SDK1: variants seen among roughly 807,000 people sequenced by gnomAD.
The protein encoded by SDK1 is sidekick cell adhesion molecule 1.
SDK1 carries 157 observed loss-of-function variants against 245.5 expected under a neutral mutation model. The ratio of observed to expected loss-of-function variants is 0.64; its 90% CI spans 0.56 to 0.73. The LOEUF (loss-of-function observed/expected upper bound fraction) is 0.73, where lower values mean the gene tolerates loss of function less well. Among genes scored for constraint, SDK1 ranks in the 30% least tolerant of loss-of-function variants. The pLI, the probability that SDK1 is intolerant of heterozygous loss-of-function variation, is 0.00. For synonymous variants in SDK1, 1,647 were observed against 1,278.5 expected (o/e 1.29, Z -6.15); for missense variants, 3,583 against 3,002.3 (o/e 1.19, Z -4.52).
chr7:3,894,526 C>T (rs1254618535), intron 5 of SDK1, among the ~76,000 whole-genome samples: 2 of 148,112 alleles, frequency 1.4e-5, no homozygotes, highest in African/African-American at 5.1e-5. Flanking sequence ...CTGGGTCCAG[C>T]CACTGAAAGG....
chr7:3,800,238 T>G (rs1779072259), intron 4 of SDK1, among the ~76,000 whole-genome samples: 2 of 152,186 alleles, frequency 1.3e-5, no homozygotes, highest in South Asian at 4.1e-4. Flanking sequence ...TTCTCTCAAT[T>G]CTTAGCCAGC....
chr7:3,783,162 A>C (rs1780797545), intron 4 of SDK1, among the ~76,000 whole-genome samples: 1 of 152,244 alleles, frequency 6.6e-6, no homozygotes, highest in Non-Finnish European at 1.5e-5. Context: ...ATTTGACAAA[A>C]ATTCATCTTT....
chr7:3,589,752 A>C (rs1780801814), intron 1 of SDK1, among the ~76,000 whole-genome samples: 1 of 152,176 alleles, frequency 6.6e-6, no homozygotes, highest in Non-Finnish European at 1.5e-5. Flanking sequence ...CCATGATTCG[A>C]TTGCCTCCCA....
At chr7:3,400,965 C>T (rs143510778) in intron 1 of SDK1, among the ~76,000 whole-genome samples, 1 of 152,020 alleles carries the variant, frequency 6.6e-6, no homozygotes, top group African/African-American at 2.4e-5. Flanking sequence ...CAGGACAGGA[C>T]AGTGATGATG....
At position 4,233,364 on chromosome 7, in the gene SDK1, G is replaced by A. The variant is rs758726400; in HGVS notation, c.5937G>A (p.Val1979=). The A allele has an allele frequency of 6.2e-7, 1 of 1,613,834 alleles. No individual in the cohort carries two copies. The highest frequency in any genetic ancestry group is 1.1e-5 in the South Asian group (1 of 91,090). ...RQGVTYEFRV[V]AVNEAGYGEP... Reference sequence around the variant, plus strand: ...GAGTGACTTACGAGTTCCGGGTGGTGGCTGTGAATGAGGCGGGCTACGGGG... The same window carrying A: ...GAGTGACTTACGAGTTCCGGGTGGTAGCTGTGAATGAGGCGGGCTACGGGG... The change falls in exon 41 of 45, where the codon GTG becomes GTA. Residue 1979 remains valine (V), a synonymous_variant. Coordinates refer to ENST00000404826, the MANE Select transcript of SDK1 (RefSeq NM_152744.4).
chr7:3,543,877 A>G (rs1363744815), intron 1 of SDK1, among the ~76,000 whole-genome samples: 1 of 152,204 alleles, frequency 6.6e-6, no homozygotes, highest in Non-Finnish European at 1.5e-5. Flanking sequence ...TGGTTACTTG[A>G]TAGTACAAAC....
intron 30 of SDK1, 135 bp downstream of exon 30, chr7:4,149,598 A>T (rs1193288839): frequency 5.5e-6 from 3 of 550,298 alleles, no homozygotes; most frequent in Admixed American, 4.3e-5. Flanking sequence ...TTTCTTTTTG[A>T]CACTCCCCAT....
At chr7:3,582,586 C>CT in intron 1 of SDK1, among the ~76,000 whole-genome samples, 1 of 148,340 alleles carries the variant, frequency 6.7e-6, no homozygotes, top group East Asian at 2.0e-4. Flanking sequence ...GGGTACTAGG[C>CT]TTTGTACCTG....
At chr7:3,436,603 A>T (rs1583855256) in intron 1 of SDK1, among the ~76,000 whole-genome samples, 1 of 152,208 alleles carries the variant, frequency 6.6e-6, no homozygotes, top group South Asian at 2.1e-4. Flanking sequence ...GAAAATAATG[A>T]TTATACTTTA....
intron 4 of SDK1, among the ~76,000 whole-genome samples, chr7:3,696,586 G>GTGTGTC (rs1483771606): frequency 6.6e-6 from 1 of 151,772 alleles, no homozygotes; most frequent in Non-Finnish European, 1.5e-5. Flanking sequence ...GTGTGTGTGT[G>GTGTGTC]TGTGTGTGTG....
At position 4,110,645 on chromosome 7, in the gene SDK1, G is replaced by A. The variant is rs763591606; in HGVS notation, c.3325-18G>A. 6.4e-7 allele frequency: 1 copy of A among 1,562,544 alleles called. No homozygotes were observed. Among genetic ancestry groups the A allele is most frequent in the Admixed American group, 1.7e-5 (1 of 59,932 alleles). ...CCTAAGGCATGTCCAGCCCATCTCA[G>A]TGTCTCCCTCTGCACAGGTGGGAGC... On this transcript the variant is annotated intron_variant, in intron 22 of 44. Coordinates refer to ENST00000404826, the MANE Select transcript of SDK1 (RefSeq NM_152744.4).
intron 5 of SDK1, among the ~76,000 whole-genome samples, chr7:3,824,291 A>G (rs559532994): frequency 2.6e-5 from 4 of 152,218 alleles, no homozygotes; most frequent in Non-Finnish European, 5.9e-5. Flanking sequence ...ACCACACAAG[A>G]TTGAGGAAAA....
chr7:3,303,765 G>A (rs898723507), intron 1 of SDK1, among the ~76,000 whole-genome samples: 5 of 151,798 alleles, frequency 3.3e-5, no homozygotes, highest in African/African-American at 9.7e-5. Context: ...TTTTTATATC[G>A]TATTGAAAAT....
At chr7:3,764,271 T>G (rs991226403) in intron 4 of SDK1, among the ~76,000 whole-genome samples, 2 of 152,184 alleles carry the variant, frequency 1.3e-5, no homozygotes, top group Admixed American at 6.5e-5. Context: ...AAAGAATGAA[T>G]GCTTTAAAAC....
chr7:4,107,879 C>T (rs944805467), intron 22 of SDK1, among the ~76,000 whole-genome samples: 10 of 152,150 alleles, frequency 6.6e-5, no homozygotes, highest in South Asian at 2.1e-4. Flanking sequence ...TGAGCTGTGC[C>T]GATGTGTGAC....
intron 4 of SDK1, among the ~76,000 whole-genome samples, chr7:3,701,744 A>G (rs748727618): frequency 6.6e-6 from 1 of 152,214 alleles, no homozygotes; most frequent in Non-Finnish European, 1.5e-5. Context: ...AGGTAATGTA[A>G]TAAAAACTGT....
intron 1 of SDK1, among the ~76,000 whole-genome samples, chr7:3,398,644 ATTTTAT>A (rs532606744): frequency 1.3e-5 from 2 of 150,502 alleles, no homozygotes; most frequent in South Asian, 4.2e-4. Context: ...TTTATTTATT[ATTTTAT>A]TTTTATTTTT....
At chr7:3,435,483 G>C (rs1024318204) in intron 1 of SDK1, among the ~76,000 whole-genome samples, 5 of 150,904 alleles carry the variant, frequency 3.3e-5, no homozygotes, top group Admixed American at 1.3e-4. Context: ...GGCACAGACA[G>C]TCACGCCCAG....
At chr7:4,246,716 C>T (rs1786885983) in intron 44 of SDK1, among the ~76,000 whole-genome samples, 1 of 152,096 alleles carries the variant, frequency 6.6e-6, no homozygotes, top group Admixed American at 6.5e-5. Flanking sequence ...GGATGTGTTC[C>T]TCTCCTCACC....
Sources: gnomAD v4.1 joint callset for allele counts (sites outside exome capture counted in the v4.1 genomes callset) on GRCh38, gnomAD v4.1.1 for gene constraint, MANE v1.5 for transcripts, NCBI Gene and HGNC (gene_info 2026-07-23, HGNC 2026-07-21) for gene names.